Variants in RPS6KA2 observed in about 807,000 individuals in gnomAD.
RPS6KA2 encodes the protein ribosomal protein S6 kinase alpha-2.
Under a neutral mutation model 91.8 loss-of-function variants are expected in RPS6KA2, and 42 were observed. That is an observed-to-expected ratio of 0.46 (90% CI 0.36 to 0.59). The LOEUF is 0.59. Among genes scored for constraint, RPS6KA2 ranks in the 20% least tolerant of loss-of-function variants. The pLI is 0.00. For synonymous variants in RPS6KA2, 414 were observed against 393.6 expected (o/e 1.05, Z -0.61); for missense variants, 798 against 978.5 (o/e 0.82, Z 2.46).
intron 2 of RPS6KA2, among the ~76,000 whole-genome samples, chr6:166,797,532 G>A (rs778721370): frequency 5.9e-4 from 89 of 152,086 alleles, no homozygotes; most frequent in Non-Finnish European, 1.3e-3. Flanking sequence ...TCACAATAGG[G>A]TAACTAGAGA....
intron 2 of RPS6KA2, chr6:166,858,175 A>G (rs1290421286): frequency 7.3e-7 from 1 of 1,364,942 alleles, no homozygotes; most frequent in South Asian, 1.2e-5. Flanking sequence ...AACAAAGCAG[A>G]GTGTAATAAA....
chr6:166,661,475 T>G (rs555416855), intron 2 of RPS6KA2, among the ~76,000 whole-genome samples: 1 of 152,368 alleles, frequency 6.6e-6, no homozygotes, highest in East Asian at 1.9e-4. Context: ...CTGTTTGTAT[T>G]ATTTTTCTAT....
intron 2 of RPS6KA2, among the ~76,000 whole-genome samples, chr6:166,698,529 G>C (rs573553295): frequency 1.3e-5 from 2 of 152,218 alleles, no homozygotes; most frequent in Non-Finnish European, 2.9e-5. Context: ...CATTTTTATA[G>C]TAACCATCTG....
In RPS6KA2 at chr6:166,508,081, C is replaced by T. The variant is rs929815651; in HGVS notation, c.459+122G>A. The T allele has an allele frequency of 1.3e-5, 8 of 625,130 alleles. No individual in the cohort carries two copies. In the Admixed American group the frequency reaches 2.0e-4, roughly 16 times the overall value. 38.7% of individuals were successfully genotyped at this position (625,130 alleles called of 1,614,324 possible). ...CACACACTCACACATGCACACACCC[C>T]CACACACACACACGCACTCTCGCAC... On this transcript the variant is annotated intron_variant, in intron 5 of 20. Transcript: ENST00000265678. This position sits in a 1 kb window ranked among gnomAD's most constrained non-coding sequence, Gnocchi z 4.3.
chr6:166,504,031 G>C (rs989944495), intron 6 of RPS6KA2, among the ~76,000 whole-genome samples: 7 of 152,198 alleles, frequency 4.6e-5, no homozygotes, highest in African/African-American at 1.7e-4. Context: ...CCACATTCCT[G>C]GGACTTGCTG....
intron 1 of RPS6KA2, among the ~76,000 whole-genome samples, chr6:166,547,124 G>C (rs1170485667): frequency 2.0e-5 from 3 of 152,058 alleles, no homozygotes; most frequent in Non-Finnish European, 4.4e-5. Context: ...AAATCGCAAG[G>C]CTATATTGAT....
chr6:166,480,816 A>G (rs960154761), intron 10 of RPS6KA2, among the ~76,000 whole-genome samples: 3 of 151,842 alleles, frequency 2.0e-5, no homozygotes, highest in Non-Finnish European at 4.4e-5. Flanking sequence ...CTCCTGGCCA[A>G]TTTTTGTATT....
In RPS6KA2 at chr6:166,500,793, C is replaced by T. The variant is rs760709202; in HGVS notation, c.604+94G>A. On this transcript the variant is annotated intron_variant, in intron 7 of 20. Coordinates refer to ENST00000265678, the MANE Select transcript of RPS6KA2 (RefSeq NM_021135.6). This position sits in a 1 kb window ranked among gnomAD's most constrained non-coding sequence, Gnocchi z 4.3. The stretch of plus-strand genomic sequence containing the variant: ...GACAAGCATCTGGCAAAGGGAAGGG[C>T]GGTGTAAATAAGAGGGCTTGGGCTT... 70 of 1,117,644 alleles carry T rather than the reference C, an allele frequency of 6.3e-5. No individual in the cohort carries two copies. Among genetic ancestry groups the T allele is most frequent in the East Asian group, 4.5e-4 (19 of 42,374 alleles). 69.2% of individuals were successfully genotyped at this position (1,117,644 alleles called of 1,614,324 possible).
chr6:166,803,292 T>C (rs190868373), intron 2 of RPS6KA2, among the ~76,000 whole-genome samples: 67 of 152,352 alleles, frequency 4.4e-4, no homozygotes, highest in African/African-American at 1.5e-3. Flanking sequence ...ATCAAATGTA[T>C]GCAAAAATTG....
Position 166,508,478 on chromosome 6 carries a change from CT to C in RPS6KA2, c.380-197del, listed in dbSNP as rs1293454465. Among the ~76,000 whole-genome samples, 8 of 149,708 alleles carry C rather than the reference CT, an allele frequency of 5.3e-5. No individual in the cohort carries two copies. Among genetic ancestry groups the C allele is most frequent in the East Asian group, 2.0e-4 (1 of 5,076 alleles). ...GGGTCTGACACTGTGAGCGCTGCCC[CT>C]CTCTCACTGTCGTTAGGGGGCCTTG... On this transcript the variant is annotated intron_variant, in intron 4 of 20. Transcript: ENST00000265678. This position sits in a 1 kb window ranked among gnomAD's most constrained non-coding sequence, Gnocchi z 4.3.
At chr6:166,747,247 G>T (rs1426567034) in intron 2 of RPS6KA2, among the ~76,000 whole-genome samples, 2 of 152,128 alleles carry the variant, frequency 1.3e-5, no homozygotes, top group African/African-American at 4.8e-5. Flanking sequence ...CTACTCAGGG[G>T]CCCTCAGCCA....
At chr6:166,496,394 A>G (rs891898185) in intron 8 of RPS6KA2, among the ~76,000 whole-genome samples, 11 of 151,638 alleles carry the variant, frequency 7.3e-5, no homozygotes, top group Non-Finnish European at 1.5e-4. Flanking sequence ...AAAAGAAAAA[A>G]AATTAAATAT....
rs1303148652 is a variant in RPS6KA2, at chr6:166,726,493, C to T, written c.123+131707G>A. 4.6e-5 allele frequency among the ~76,000 whole-genome samples: 7 copies of T among 152,208 alleles called. No homozygotes were observed. The highest frequency in any genetic ancestry group is 7.3e-5 in the Non-Finnish European group (5 of 68,038). ...CAATGATCATTCCCCAAGTCAGAGA[C>T]ATGGAAGGGAAATGAAAGAAGGACA... On this transcript the variant is annotated intron_variant, in intron 2 of 21. Transcript: ENST00000503859. The surrounding 1 kb of genome is among the most constrained non-coding windows in gnomAD (Gnocchi z 4.4).
rs913150634 is a variant in RPS6KA2, at chr6:166,626,914, G to A, written c.99+7C>T. On this transcript the variant is annotated splice_region_variant and intron_variant, in intron 1 of 20. Coordinates refer to ENST00000265678, the MANE Select transcript of RPS6KA2 (RefSeq NM_021135.6). The surrounding 1 kb of genome is among the most constrained non-coding windows in gnomAD (Gnocchi z 4.1). ...GCACCTGCGCGCCCCGAGGGCGGCC[G>A]CATTACCTCGAGCCGGCTCAGGCTG... The A allele has an allele frequency of 1.6e-5, 24 of 1,510,750 alleles. No individual in the cohort carries two copies. Among genetic ancestry groups the A allele is most frequent in the African/African-American group, 2.9e-5 (2 of 69,838 alleles). 93.6% of individuals were successfully genotyped at this position (1,510,750 alleles called of 1,614,324 possible).
intron 2 of RPS6KA2, among the ~76,000 whole-genome samples, chr6:166,672,941 G>A (rs1788513015): frequency 6.6e-6 from 1 of 152,184 alleles, no homozygotes; most frequent in Non-Finnish European, 1.5e-5. Context: ...CTTGGAGCGT[G>A]GGTTTGATGT....
rs911611691 is a variant in RPS6KA2 at position 166,433,128 on chromosome 6, G to A, written c.1333-638C>T. Among the ~76,000 whole-genome samples the A allele has an allele frequency of 1.3e-5, 2 of 151,312 alleles. No homozygotes were observed. Among genetic ancestry groups the A allele is most frequent in the African/African-American group, 4.9e-5 (2 of 41,106 alleles). On this transcript the variant is annotated intron_variant, in intron 14 of 20. Transcript: ENST00000265678. The surrounding 1 kb of genome is among the most constrained non-coding windows in gnomAD (Gnocchi z 4.4). Reference sequence around the variant, plus strand: ...AGACTGTGTCCCACCCTCGCAGTGGGCACCATCCACAACAAGCCTCCAGCC... The same window carrying A: ...AGACTGTGTCCCACCCTCGCAGTGGACACCATCCACAACAAGCCTCCAGCC...
At chr6:166,566,136 A>G (rs577978932) in intron 1 of RPS6KA2, among the ~76,000 whole-genome samples, 1 of 152,326 alleles carries the variant, frequency 6.6e-6, no homozygotes, top group African/African-American at 2.4e-5. Context: ...CCTAGGGTGT[A>G]CAGAAAGGGA....
intron 2 of RPS6KA2, among the ~76,000 whole-genome samples, chr6:166,736,172 G>T (rs1003767685): frequency 6.6e-6 from 1 of 152,202 alleles, no homozygotes; most frequent in African/African-American, 2.4e-5. Flanking sequence ...AATTATTGGG[G>T]CTTACAGAGC....
chr6:166,432,482 A>G lies in RPS6KA2; in HGVS notation c.1341T>C (p.Asp447=), dbSNP rs1291077369. The part of the protein sequence containing the change: ...TDTEYAVKII[D]KSKRDPSEEI... ...CTTCCGAGGGGTCTCTCTTGCTCTT[A>G]TCAATGATCTGGAACAAACACAGCA... The change falls in exon 15 of 21, where the codon GAT becomes GAC. Residue 447 remains aspartate (D), a synonymous_variant. Transcript: ENST00000265678. 1.9e-6 allele frequency: 3 copies of G among 1,609,754 alleles called. No individual in the cohort carries two copies. The highest frequency in any genetic ancestry group is 1.1e-5 in the South Asian group (1 of 90,776).
Sources: allele counts gnomAD v4.1 joint callset (sites outside exome capture counted in the v4.1 genomes callset), GRCh38; gene constraint gnomAD v4.1.1; non-coding constraint Gnocchi (gnomAD v3.1); transcripts MANE v1.5; gene names NCBI Gene and HGNC (gene_info 2026-07-23, HGNC 2026-07-21).